RBL1: variants seen among roughly 807,000 people sequenced by gnomAD.
The protein encoded by RBL1 is RB transcriptional corepressor like 1.
Under a neutral mutation model 123.0 loss-of-function variants are expected in RBL1, and 82 were observed. That is an observed-to-expected ratio of 0.67 (90% confidence interval 0.56 to 0.80). RBL1 has a LOEUF of 0.80. Among genes scored for constraint, RBL1 ranks in the 30% least tolerant of loss-of-function variants. The pLI is 0.00. For synonymous variants in RBL1, 405 were observed against 441.3 expected, an observed-to-expected ratio of 0.92 and a Z score of 1.03; for missense variants, 1,171 against 1,299.6, an observed-to-expected ratio of 0.90 and a Z score of 1.52.
Position 37,035,622 on chromosome 20 carries a change from A to G in RBL1, c.1904-114T>C, listed in dbSNP as rs186145548. 50 of 910,012 alleles carry G rather than the reference A, an allele frequency of 5.5e-5. No homozygotes were observed. The Middle Eastern group carries it at 1.0e-3, about 19-fold the overall frequency. 56.4% of individuals were successfully genotyped at this position (910,012 alleles called of 1,614,324 possible). On this transcript the variant is annotated intron_variant, in intron 14 of 21. Coordinates refer to ENST00000373664, the MANE Select transcript of RBL1 (RefSeq NM_002895.5). ...TATGCTGGGCACTAGCTAGATATGA[A>G]TAACATGGCCTTTGCCCTCATGGAA...
At chr20:37,090,737 G>A (rs1275407375) in intron 1 of RBL1, among the ~76,000 whole-genome samples, 2 of 152,090 alleles carry the variant, frequency 1.3e-5, no homozygotes, top group Non-Finnish European at 2.9e-5. Flanking sequence ...TATGCTTATT[G>A]TTTCTAGGCT....
intron 20 of RBL1, among the ~76,000 whole-genome samples, chr20:37,006,085 G>A (rs1363627170): frequency 2.7e-5 from 4 of 150,916 alleles, no homozygotes; most frequent in African/African-American, 4.9e-5. Flanking sequence ...TTTTTTTTAA[G>A]AGACAGGGTC....
At chr20:37,029,012 A>C (rs1299746875) in intron 16 of RBL1, among the ~76,000 whole-genome samples, 2 of 152,232 alleles carry the variant, frequency 1.3e-5, no homozygotes, top group African/African-American at 2.4e-5. Context: ...ACCATGACCA[A>C]GTAGAACTTA....
At chr20:37,069,373 C>G (rs574675434) in intron 2 of RBL1, among the ~76,000 whole-genome samples, 22 of 151,762 alleles carry the variant, frequency 1.4e-4, no homozygotes, top group African/African-American at 5.3e-4. Flanking sequence ...GCCCGGCCGC[C>G]ATCCCACCTA....
Position 36,999,465 on chromosome 20 carries a change from CCCTCTCCCT to C in RBL1, c.3037-545_3037-537del, listed in dbSNP as rs554623920. On this transcript the variant is annotated intron_variant, in intron 21 of 21. Transcript: ENST00000373664. ...TCTCCCTCCTCTCCCTCCCTCCTCT[CCCTCTCCCT>C]CCTCTCCCTCTCCCTCTCCCCACGG... Among the ~76,000 whole-genome samples the C allele has an allele frequency of 7.6e-3, 1,141 of 150,788 alleles. 12 individuals carry two copies. The highest frequency in any genetic ancestry group is 0.027 in the African/African-American group (1,078 of 40,570).
At chr20:37,063,854 A>G (rs2065135638) in intron 7 of RBL1, among the ~76,000 whole-genome samples, 1 of 137,488 alleles carries the variant, frequency 7.3e-6, no homozygotes, top group East Asian at 2.2e-4. Context: ...ATAGGGTCTC[A>G]CTCCGTCAAG....
At chr20:37,040,693 T>C (rs2064708803) in intron 13 of RBL1, among the ~76,000 whole-genome samples, 1 of 152,220 alleles carries the variant, frequency 6.6e-6, no homozygotes, top group Admixed American at 6.5e-5. Context: ...ATTTTATTTC[T>C]TTCTCACTTC....
intron 15 of RBL1, 66 bp from the exon 16 acceptor site, chr20:37,032,942 T>C: frequency 6.3e-7 from 1 of 1,578,442 alleles, no homozygotes; most frequent in Non-Finnish European, 8.6e-7. Flanking sequence ...ACTATATATA[T>C]TTTGACAATT....
intron 21 of RBL1, among the ~76,000 whole-genome samples, chr20:37,001,532 T>C (rs1205097044): frequency 6.6e-6 from 1 of 151,846 alleles, no homozygotes; most frequent in Non-Finnish European, 1.5e-5. Context: ...TGGTGCAAGA[T>C]GTGCTTTGTT....
intron 15 of RBL1, 143 bp from the exon 16 acceptor site, chr20:37,033,019 T>A: frequency 2.2e-3 from 210 of 97,594 alleles, no homozygotes; most frequent in Non-Finnish European, 2.6e-3. Context: ...GACTGAATTC[T>A]TTTTTTTTTT....
intron 2 of RBL1, among the ~76,000 whole-genome samples, chr20:37,079,136 A>G (rs2065409071): frequency 6.8e-6 from 1 of 147,836 alleles, no homozygotes; most frequent in African/African-American, 2.5e-5. Context: ...GGAGGTAGAG[A>G]CTGCAGTGAG....
chr20:37,027,012 A>G lies in RBL1; in HGVS notation c.2383-4186T>C, dbSNP rs561212089. ...TGAGACTCCATCTTAAAAAAAAACA[A>G]CAAAAAAAAACAACAAAAAAAAACC... On this transcript the variant is annotated intron_variant, in intron 16 of 21. Transcript: ENST00000373664. 3.0e-3 allele frequency among the ~76,000 whole-genome samples: 436 copies of G among 147,106 alleles called. 5 individuals carry two copies. The highest frequency in any genetic ancestry group is 0.011 in the African/African-American group (424 of 38,644).
At chr20:37,015,572 A>G (rs1160561732) in intron 19 of RBL1, among the ~76,000 whole-genome samples, 2 of 151,876 alleles carry the variant, frequency 1.3e-5, no homozygotes, top group African/African-American at 4.8e-5. Context: ...CTGGGACTAC[A>G]GGCGCCCGCC....
intron 2 of RBL1, among the ~76,000 whole-genome samples, chr20:37,084,890 C>T (rs532491659): frequency 2.0e-5 from 3 of 152,102 alleles, no homozygotes; most frequent in South Asian, 2.1e-4. Flanking sequence ...CTTAGCCTCC[C>T]GAGTAGCTGG....
Position 37,095,977 on chromosome 20 carries a change from C to G in RBL1, c.-49G>C, listed in dbSNP as rs1271235520. On this transcript the variant is annotated 5_prime_UTR_variant, in exon 1 of 22. Transcript: ENST00000373664. Reference sequence around the variant, plus strand: ...CGCCACGGCCCCCGACTTCTTTCTCCCTCCCAGGCGCGCTACCCACAACCA... The same window carrying G: ...CGCCACGGCCCCCGACTTCTTTCTCGCTCCCAGGCGCGCTACCCACAACCA... 7.1e-7 allele frequency: 1 copy of G among 1,413,540 alleles called. No homozygotes were observed. Among genetic ancestry groups the G allele is most frequent in the South Asian group, 1.4e-5 (1 of 68,982 alleles). The allele number at this position is 1,413,540 out of a possible 1,614,324, so 87.6% of individuals were successfully genotyped here. A position where few individuals can be genotyped will look rare whatever the true frequency, so the allele number is the denominator to read the frequency against.
intron 21 of RBL1, among the ~76,000 whole-genome samples, chr20:37,001,351 G>A (rs1349274713): frequency 2.0e-5 from 3 of 151,468 alleles, no homozygotes; most frequent in Non-Finnish European, 3.0e-5. Flanking sequence ...TTGAGAAATC[G>A]GATGGTTGCC....
intron 7 of RBL1, among the ~76,000 whole-genome samples, chr20:37,063,235 G>C (rs1056170575): frequency 3.9e-5 from 6 of 152,078 alleles, no homozygotes; most frequent in Non-Finnish European, 8.8e-5. Flanking sequence ...GTGCCACCAT[G>C]CCCGGATAGT....
chr20:37,009,940 G>A (rs969995266), intron 19 of RBL1, among the ~76,000 whole-genome samples: 1 of 151,798 alleles, frequency 6.6e-6, no homozygotes, highest in Admixed American at 6.6e-5. Flanking sequence ...TGACAGGATC[G>A]CTTGAACCCA....
chr20:37,009,094 G>T (rs1264190632), intron 19 of RBL1, among the ~76,000 whole-genome samples: 1 of 151,124 alleles, frequency 6.6e-6, no homozygotes, highest in Non-Finnish European at 1.5e-5. Flanking sequence ...GTGCAATCTC[G>T]GCTCACTGCA....
Sources: allele counts gnomAD v4.1 joint callset (sites outside exome capture counted in the v4.1 genomes callset), GRCh38; gene constraint gnomAD v4.1.1; transcripts MANE v1.5; gene names NCBI Gene and HGNC (gene_info 2026-07-23, HGNC 2026-07-21).